DYNC1I1: variants seen among roughly 807,000 people sequenced by gnomAD.
The protein encoded by DYNC1I1 is cytoplasmic dynein 1 intermediate chain 1.
A neutral mutation model predicts 86.6 loss-of-function variants in DYNC1I1; 43 were observed. The observed-to-expected ratio is 0.50, with a 90% CI of 0.39 to 0.64. DYNC1I1 has a LOEUF of 0.64. Among genes scored for constraint, DYNC1I1 ranks in the 30% least tolerant of loss-of-function variants. The pLI, the probability that DYNC1I1 is intolerant of heterozygous loss-of-function variation, is 0.00. For missense variants in DYNC1I1, 604 were observed against 788.8 expected (o/e 0.77, Z 2.81); for synonymous variants, 262 against 283.7 (o/e 0.92, Z 0.77).
At chr7:96,008,477 C>T (rs1314864006) in intron 10 of DYNC1I1, among the ~76,000 whole-genome samples, 2 of 151,942 alleles carry the variant, frequency 1.3e-5, no homozygotes, top group Non-Finnish European at 2.9e-5. Flanking sequence ...TCATTTTTTG[C>T]AATAGAGCTC....
intron 6 of DYNC1I1, among the ~76,000 whole-genome samples, chr7:95,956,730 G>C (rs953029023): frequency 3.3e-5 from 5 of 152,150 alleles, no homozygotes; most frequent in African/African-American, 1.2e-4. Flanking sequence ...TTTTATGGCT[G>C]CATAGTATTC....
intron 6 of DYNC1I1, among the ~76,000 whole-genome samples, chr7:95,936,063 C>T (rs553849991): frequency 2.6e-5 from 4 of 151,958 alleles, no homozygotes; most frequent in Admixed American, 6.6e-5. Flanking sequence ...TGTGACCTCA[C>T]GTACCTCACA....
Position 96,076,213 on chromosome 7 carries a change from G to A in DYNC1I1, c.1650+16G>A, listed in dbSNP as rs760643093. 2 of 1,613,202 alleles carry A rather than the reference G, an allele frequency of 1.2e-6. No individual in the cohort carries two copies. The highest frequency in any genetic ancestry group is 4.5e-5 in the East Asian group (2 of 44,844). On this transcript the variant is annotated intron_variant, in intron 15 of 16. Coordinates refer to ENST00000447467, the MANE Select transcript of DYNC1I1 (RefSeq NM_001135556.2). Reference sequence around the variant, plus strand: ...TGACACCGAGGTGAGCGGCGGCTCAGGCGCCCGGGCCGGAGGGCTGGGAGG... The same window carrying A: ...TGACACCGAGGTGAGCGGCGGCTCAAGCGCCCGGGCCGGAGGGCTGGGAGG...
chr7:95,785,192 GCTTGAGTT>G (rs1443989221), intron 1 of DYNC1I1, among the ~76,000 whole-genome samples: 1 of 152,058 alleles, frequency 6.6e-6, no homozygotes, highest in Non-Finnish European at 1.5e-5. Context: ...CAGGTAGATT[GCTTGAGTT>G]CAGGAGTTCG....
chr7:96,086,330 G>T (rs1790679097), intron 16 of DYNC1I1, among the ~76,000 whole-genome samples: 1 of 152,156 alleles, frequency 6.6e-6, no homozygotes, highest in South Asian at 2.1e-4. Context: ...TTCCAGGGAA[G>T]ATTTTGTTTT....
intron 15 of DYNC1I1, 75 bp from the exon 16 acceptor site, chr7:96,080,288 A>G: frequency 6.7e-7 from 1 of 1,500,368 alleles, no homozygotes; most frequent in Non-Finnish European, 8.9e-7. Context: ...CATCCAGTTA[A>G]ACGTATTATT....
intron 6 of DYNC1I1, among the ~76,000 whole-genome samples, chr7:95,962,124 G>T (rs1438211659): frequency 6.6e-6 from 1 of 152,146 alleles, no homozygotes; most frequent in Non-Finnish European, 1.5e-5. Flanking sequence ...CGTGATGGGA[G>T]ACCAGAGCAT....
intron 8 of DYNC1I1, 90 bp downstream of exon 8, chr7:95,985,067 T>G: frequency 6.5e-7 from 1 of 1,546,516 alleles, no homozygotes; most frequent in Non-Finnish European, 8.7e-7. Flanking sequence ...AATTCCAAAT[T>G]AAGAAATCAG....
intron 16 of DYNC1I1, among the ~76,000 whole-genome samples, chr7:96,106,835 A>ACTT (rs1403330150): frequency 6.6e-6 from 1 of 152,196 alleles, no homozygotes; most frequent in Non-Finnish European, 1.5e-5. Flanking sequence ...TTCTTTTATG[A>ACTT]CTTAGCATAT....
At chr7:96,099,711 T>A (rs1791098255), downstream of DYNC1I1, among the ~76,000 whole-genome samples, 1 of 152,172 alleles carries the variant, frequency 6.6e-6, no homozygotes, top group African/African-American at 2.4e-5. Flanking sequence ...TCCACCCTCA[T>A]GACCCAGTTA....
chr7:95,925,674 A>G (rs1584165633), intron 6 of DYNC1I1, among the ~76,000 whole-genome samples: 1 of 152,164 alleles, frequency 6.6e-6, no homozygotes, highest in African/African-American at 2.4e-5. Context: ...AAAATTTGAC[A>G]GGCATTTTAC....
chr7:95,861,495 G>A (rs141607296), intron 5 of DYNC1I1, among the ~76,000 whole-genome samples: 24 of 152,236 alleles, frequency 1.6e-4, no homozygotes, highest in African/African-American at 5.1e-4. Flanking sequence ...GGATTAGCTG[G>A]TGACATCTAT....
At chr7:95,773,171 G>C (rs950001191) in intron 1 of DYNC1I1, among the ~76,000 whole-genome samples, 1 of 152,232 alleles carries the variant, frequency 6.6e-6, no homozygotes, top group Admixed American at 6.5e-5. Context: ...TGGAGGAGGG[G>C]GAAAGCTGCA....
chr7:96,079,747 G>C (rs946082086), intron 15 of DYNC1I1, among the ~76,000 whole-genome samples: 8 of 152,152 alleles, frequency 5.3e-5, no homozygotes, highest in Admixed American at 5.2e-4. Context: ...CTGCCAGAGG[G>C]AGGAAGACAG....
chr7:95,923,770 A>C (rs1174969008), intron 6 of DYNC1I1, among the ~76,000 whole-genome samples: 1 of 152,130 alleles, frequency 6.6e-6, no homozygotes, highest in Non-Finnish European at 1.5e-5. Flanking sequence ...AACAAGATGC[A>C]CCCATTCAGA....
At chr7:95,922,175 T>A (rs1791626877) in intron 6 of DYNC1I1, among the ~76,000 whole-genome samples, 1 of 152,218 alleles carries the variant, frequency 6.6e-6, no homozygotes. Context: ...CAAATCGCAT[T>A]TTTCTTCAGG....
intron 6 of DYNC1I1, among the ~76,000 whole-genome samples, chr7:95,959,898 CA>C (rs1792819201): frequency 6.6e-6 from 1 of 152,134 alleles, no homozygotes; most frequent in Non-Finnish European, 1.5e-5. Flanking sequence ...AGTCCAACTG[CA>C]AAGTTGATAT....
chr7:95,909,108 T>A (rs1791253332), intron 6 of DYNC1I1, among the ~76,000 whole-genome samples: 1 of 148,854 alleles, frequency 6.7e-6, no homozygotes, highest in Admixed American at 6.7e-5. Flanking sequence ...ATAAAGACAG[T>A]TCTAATTGAA....
intron 14 of DYNC1I1, among the ~76,000 whole-genome samples, chr7:96,056,715 G>A (rs910989353): frequency 4.8e-4 from 73 of 151,946 alleles, no homozygotes; most frequent in African/African-American, 1.7e-3. Flanking sequence ...TATAGTATAT[G>A]CATATAGCAT....
Sources: gnomAD v4.1 joint callset for allele counts (sites outside exome capture counted in the v4.1 genomes callset) on GRCh38, gnomAD v4.1.1 for gene constraint, MANE v1.5 for transcripts, NCBI Gene and HGNC (gene_info 2026-07-23, HGNC 2026-07-21) for gene names.